ADAMTS12: variants seen among roughly 807,000 people sequenced by gnomAD.
The protein encoded by ADAMTS12 is A disintegrin and metalloproteinase with thrombospondin motifs 12.
In ADAMTS12, 118 loss-of-function variants were observed where a neutral mutation model predicts 167.8. The observed-to-expected ratio is 0.70, with a 90% CI of 0.61 to 0.82. The LOEUF (loss-of-function observed/expected upper bound fraction) is 0.82. Among genes scored for constraint, ADAMTS12 ranks in the 40% least tolerant of loss-of-function variants. The pLI, the probability that ADAMTS12 is intolerant of heterozygous loss-of-function variation, is 0.00. For missense variants in ADAMTS12, 1,916 were observed against 1,998.8 expected, an observed-to-expected ratio of 0.96 and a Z score of 0.79; for synonymous variants, 704 against 716.9, an observed-to-expected ratio of 0.98 and a Z score of 0.29.
chr5:33,575,938 T>G, intron 19 of ADAMTS12, 116 bp downstream of exon 19: 1 of 1,437,946 alleles, frequency 7.0e-7, no homozygotes, highest in Non-Finnish European at 9.2e-7. Context: ...ATTGCTTCCT[T>G]TTGTTTTCAC....
chr5:33,843,331 G>A (rs1748816025), intron 2 of ADAMTS12, among the ~76,000 whole-genome samples: 1 of 152,118 alleles, frequency 6.6e-6, no homozygotes, highest in African/African-American at 2.4e-5. Flanking sequence ...GCAAGCTAAG[G>A]TGGACAGCCC....
chr5:33,568,449 T>C (rs191175312), intron 19 of ADAMTS12, among the ~76,000 whole-genome samples: 5 of 152,340 alleles, frequency 3.3e-5, no homozygotes, highest in African/African-American at 1.2e-4. Flanking sequence ...GAATTTTATA[T>C]AGTTAAATTG....
At chr5:33,579,090 A>T (rs1340923089) in intron 18 of ADAMTS12, among the ~76,000 whole-genome samples, 2 of 152,182 alleles carry the variant, frequency 1.3e-5, no homozygotes, top group Non-Finnish European at 2.9e-5. Flanking sequence ...CTGGACCTAG[A>T]AAGGGAAGGC....
intron 22 of ADAMTS12, among the ~76,000 whole-genome samples, chr5:33,541,564 A>G (rs1274623949): frequency 6.6e-6 from 1 of 152,216 alleles, no homozygotes; most frequent in East Asian, 1.9e-4. Flanking sequence ...GAAGGAAAAA[A>G]TGTTAAGGGG....
intron 3 of ADAMTS12, among the ~76,000 whole-genome samples, chr5:33,689,871 TAAAGA>T (rs1233726512): frequency 3.3e-5 from 5 of 152,198 alleles, no homozygotes; most frequent in African/African-American, 4.8e-5. Context: ...ATGCAAAAAG[TAAAGA>T]AAAGAATGAA....
intron 22 of ADAMTS12, among the ~76,000 whole-genome samples, chr5:33,540,904 C>A (rs567523080): frequency 6.6e-6 from 1 of 152,362 alleles, no homozygotes; most frequent in African/African-American, 2.4e-5. Context: ...GGTGAAAATT[C>A]TAAAAACTGG....
intron 5 of ADAMTS12, among the ~76,000 whole-genome samples, chr5:33,667,331 A>AG (rs2112229110): frequency 6.6e-6 from 1 of 151,816 alleles, no homozygotes; most frequent in South Asian, 2.1e-4. Flanking sequence ...AAAAAAAAAA[A>AG]AAAAAAAAGA....
intron 5 of ADAMTS12, among the ~76,000 whole-genome samples, chr5:33,670,293 T>G (rs907306051): frequency 6.6e-6 from 1 of 152,170 alleles, no homozygotes; most frequent in Admixed American, 6.5e-5. Context: ...ACCACAATGA[T>G]ATATTACTAC....
chr5:33,717,120 T>G (rs368544468), intron 3 of ADAMTS12, among the ~76,000 whole-genome samples: 2 of 29,944 alleles, frequency 6.7e-5, no homozygotes, highest in African/African-American at 1.5e-4. Flanking sequence ...AAATTGTAGG[T>G]TTTTTTTTTT....
intron 2 of ADAMTS12, among the ~76,000 whole-genome samples, chr5:33,839,213 G>A (rs1465435): frequency 0.12 from 18,766 of 152,150 alleles, 2,243 homozygotes; most frequent in East Asian, 0.37. Flanking sequence ...GTGCCTCAGT[G>A]TCATTGTCTA....
chr5:33,682,714 G>A (rs1271834260), intron 5 of ADAMTS12, among the ~76,000 whole-genome samples: 3 of 152,118 alleles, frequency 2.0e-5, no homozygotes, highest in African/African-American at 7.2e-5. Flanking sequence ...ATCCAACCAT[G>A]TCATGATTTA....
At chr5:33,604,927 G>A (rs1002494617) in intron 16 of ADAMTS12, among the ~76,000 whole-genome samples, 1 of 152,102 alleles carries the variant, frequency 6.6e-6, no homozygotes. Context: ...GCTAAGACAA[G>A]CTACAAAGTA....
chr5:33,849,128 TATATATATATGTATTGCATAGCA>T (rs1561306337), intron 2 of ADAMTS12, among the ~76,000 whole-genome samples: 1,813 of 60,036 alleles, frequency 0.03, 59 homozygotes, highest in Admixed American at 0.054. Flanking sequence ...TGCATAGCAA[TATATATATATGTATTGCATAGCA>T]ATATATATAT....
intron 9 of ADAMTS12, among the ~76,000 whole-genome samples, chr5:33,644,410 T>C: frequency 6.6e-6 from 1 of 152,210 alleles, no homozygotes; most frequent in African/African-American, 2.4e-5. Context: ...CAGCTCTAAA[T>C]TCCATTTGAT....
At chr5:33,779,968 G>A (rs185556381) in intron 2 of ADAMTS12, among the ~76,000 whole-genome samples, 4 of 152,284 alleles carry the variant, frequency 2.6e-5, no homozygotes, top group South Asian at 2.1e-4. Context: ...AATTTGCTAC[G>A]AGAGTAGATC....
chr5:33,865,892 C>T (rs1015070836), intron 2 of ADAMTS12, among the ~76,000 whole-genome samples: 1 of 151,970 alleles, frequency 6.6e-6, no homozygotes, highest in African/African-American at 2.4e-5. Context: ...CCTAGAAATA[C>T]ACATAACCAA....
chr5:33,650,329 G>A (rs1740827756), intron 7 of ADAMTS12, among the ~76,000 whole-genome samples: 1 of 152,142 alleles, frequency 6.6e-6, no homozygotes, highest in Admixed American at 6.5e-5. Flanking sequence ...AGAAGATGGG[G>A]TAGTCATCCT....
chr5:33,846,126 A>AGG (rs1412529640), intron 2 of ADAMTS12, among the ~76,000 whole-genome samples: 1 of 152,230 alleles, frequency 6.6e-6, no homozygotes, highest in Non-Finnish European at 1.5e-5. Context: ...AGCCAACGTC[A>AGG]GACAAACCCA....
chr5:33,832,950 T>C (rs111708913), intron 2 of ADAMTS12, among the ~76,000 whole-genome samples: 2,356 of 152,258 alleles, frequency 0.015, 66 homozygotes, highest in African/African-American at 0.054. Flanking sequence ...TCTTTAACTT[T>C]TTAAATTCAG....
Sources: allele counts gnomAD v4.1 joint callset (sites outside exome capture counted in the v4.1 genomes callset), GRCh38; gene constraint gnomAD v4.1.1; transcripts MANE v1.5; gene names NCBI Gene and HGNC (gene_info 2026-07-23, HGNC 2026-07-21).